The following TECPR2 variants were observed in gnomAD, a reference collection of about 807,000 sequenced individuals.
TECPR2 encodes tectonin beta-propeller repeat-containing protein 2.
A neutral mutation model predicts 138.1 loss-of-function variants in TECPR2; 65 were observed. The ratio of observed to expected loss-of-function variants is 0.47; its 90% CI spans 0.39 to 0.58. The LOEUF (loss-of-function observed/expected upper bound fraction) is 0.58. TECPR2 is among the 20% of genes least tolerant of loss of function. The pLI is 0.00. For synonymous variants in TECPR2, 746 were observed against 749.8 expected (o/e 0.99, Z 0.08); for missense variants, 1,553 against 1,824.5 (o/e 0.85, Z 2.71).
intron 17 of TECPR2, among the ~76,000 whole-genome samples, chr14:102,478,274 C>A (rs1313907580): frequency 1.3e-5 from 2 of 151,994 alleles, no homozygotes; most frequent in African/African-American, 4.8e-5. Context: ...GTCTTGGACT[C>A]CTGGCCTCAA....
chr14:102,433,810 A>AC (rs1168151489), intron 8 of TECPR2, among the ~76,000 whole-genome samples: 1 of 152,110 alleles, frequency 6.6e-6, no homozygotes, highest in East Asian at 1.9e-4. Flanking sequence ...ATGAGCGTGA[A>AC]CCACCGTGCA....
At chr14:102,390,162 A>T (rs1476655462) in intron 2 of TECPR2, among the ~76,000 whole-genome samples, 2 of 152,234 alleles carry the variant, frequency 1.3e-5, no homozygotes, top group Non-Finnish European at 2.9e-5. Context: ...CTCACAAAGA[A>T]CACTTTTTCC....
rs575631116 is a variant in TECPR2, at chr14:102,500,005, C to G, written c.*1748C>G. 49 of 152,850 alleles carry G rather than the reference C, an allele frequency of 3.2e-4. No homozygotes were observed. Among genetic ancestry groups the G allele is most frequent in the African/African-American group, 1.2e-3 (49 of 41,588 alleles). The allele number at this position is 152,850 out of a possible 1,614,324, so 9.5% of individuals were successfully genotyped here. ...ATCTCTCTGTGTCTGTTGTGCCTTGCCCGGCGCCTCACGGATGGCAAAGCT... is the reference window on the plus strand; with the variant it reads ...ATCTCTCTGTGTCTGTTGTGCCTTGGCCGGCGCCTCACGGATGGCAAAGCT... On this transcript the variant is annotated 3_prime_UTR_variant, in exon 20 of 20. Transcript: ENST00000359520.
intron 4 of TECPR2, among the ~76,000 whole-genome samples, chr14:102,410,012 G>A (rs1437160182): frequency 2.0e-5 from 3 of 151,484 alleles, no homozygotes; most frequent in Non-Finnish European, 4.4e-5. Context: ...CACCGTTTTA[G>A]CCAGGATGGT....
chr14:102,383,415 T>G (rs961109062), intron 2 of TECPR2, among the ~76,000 whole-genome samples: 8 of 144,900 alleles, frequency 5.5e-5, no homozygotes, highest in Admixed American at 1.4e-4. Flanking sequence ...GTTTTTTTTG[T>G]TTTTTTTTTT....
intron 2 of TECPR2, 129 bp downstream of exon 2, chr14:102,377,069 A>G (rs1382847544): frequency 2.1e-6 from 2 of 936,864 alleles, no homozygotes; most frequent in African/African-American, 1.7e-5. Flanking sequence ...CACCCAAACA[A>G]TACTTTAAAA....
intron 10 of TECPR2, among the ~76,000 whole-genome samples, chr14:102,439,212 A>G (rs1006319253): frequency 6.6e-6 from 1 of 152,044 alleles, no homozygotes; most frequent in Non-Finnish European, 1.5e-5. Flanking sequence ...CACCTACGCC[A>G]GTGGGGACAC....
rs772139465 is a variant in TECPR2 at position 102,452,437 on chromosome 14, C to G, written c.3450C>G (p.Ser1150Arg). The G allele has an allele frequency of 5.0e-6, 8 of 1,613,418 alleles. No individual in the cohort carries two copies. The highest frequency in any genetic ancestry group is 5.9e-6 in the Non-Finnish European group (7 of 1,179,556). ...WLCQSSKDLC[S>R]VSAQSAQSRP... ...GCCAGAGCAGCAAGGACCTGTGCAGCGTCAGCGCCCAGAGCGCACAGTCGC... is the reference window on the plus strand; with the variant it reads ...GCCAGAGCAGCAAGGACCTGTGCAGGGTCAGCGCCCAGAGCGCACAGTCGC... Residue 1150 changes from serine (S) to arginine (R), a missense_variant, in exon 16 of 20, where the codon AGC becomes AGG. By Grantham distance (110) the Ser-to-Arg change is moderately radical. Transcript: ENST00000359520.
At chr14:102,408,676 A>G in intron 4 of TECPR2, 57 bp downstream of exon 4, 1 of 1,515,486 alleles carries the variant, frequency 6.6e-7, no homozygotes, top group Non-Finnish European at 8.9e-7. Flanking sequence ...TGGAAAAACT[A>G]TATTTATAAC....
At chr14:102,448,397 C>T (rs1025313235) in intron 13 of TECPR2, among the ~76,000 whole-genome samples, 2 of 152,188 alleles carry the variant, frequency 1.3e-5, no homozygotes, top group African/African-American at 4.8e-5. Context: ...AAGAGAAGAG[C>T]TTCCTGCAGG....
chr14:102,490,077 C>T (rs1194323993), intron 17 of TECPR2, among the ~76,000 whole-genome samples: 1 of 152,080 alleles, frequency 6.6e-6, no homozygotes, highest in Admixed American at 6.6e-5. Flanking sequence ...GTGTTGAGAC[C>T]GCCAGTGAAT....
chr14:102,446,551 C>T (rs1161455290), intron 13 of TECPR2, among the ~76,000 whole-genome samples: 1 of 152,106 alleles, frequency 6.6e-6, no homozygotes, highest in African/African-American at 2.4e-5. Flanking sequence ...GCCAAGATCA[C>T]ACCACCACAC....
chr14:102,478,942 A>G (rs1351599560), intron 17 of TECPR2, among the ~76,000 whole-genome samples: 1 of 148,834 alleles, frequency 6.7e-6, no homozygotes. Flanking sequence ...GCTTGAGCCC[A>G]GGAGGCGGAG....
chr14:102,434,836 C>T lies in TECPR2; in HGVS notation c.2019C>T (p.Ser673=). 6.2e-7 allele frequency: 1 copy of T among 1,613,328 alleles called. No homozygotes were observed. Among genetic ancestry groups the T allele is most frequent in the Non-Finnish European group, 8.5e-7 (1 of 1,180,012 alleles). The change falls in exon 9 of 20, where the codon AGC becomes AGT. Residue 673 remains serine, a synonymous_variant. Coordinates refer to ENST00000359520, the MANE Select transcript of TECPR2 (RefSeq NM_014844.5). ...CTGGGACCAGAGCTGATGAAGGCAG[C>T]CCCGTGGAGCCCAGCCAAGAGCAGG... ...WLPGTRADEG[S]PVEPSQEQDI...
intron 10 of TECPR2, among the ~76,000 whole-genome samples, chr14:102,439,282 C>T (rs1003571738): frequency 2.0e-5 from 3 of 152,146 alleles, no homozygotes; most frequent in African/African-American, 4.8e-5. Flanking sequence ...CAGACGAAGC[C>T]GAAGCTGAGT....
intron 17 of TECPR2, among the ~76,000 whole-genome samples, chr14:102,487,901 GC>G (rs956296369): frequency 2.7e-4 from 40 of 148,826 alleles, no homozygotes; most frequent in African/African-American, 8.2e-4. Flanking sequence ...GAGTGCAATG[GC>G]GCGATCTCGG....
At position 102,477,369 on chromosome 14, in the gene TECPR2, C is replaced by CA. The variant is rs919684497; in HGVS notation, c.3789+12094dup. Among the ~76,000 whole-genome samples, 343 of 96,902 alleles carry CA rather than the reference C, an allele frequency of 3.5e-3. 1 individual carries two copies. The highest frequency in any genetic ancestry group is 6.2e-3 in the African/African-American group (160 of 25,994). The allele number at this position is 96,902 out of a possible 152,430, so 63.6% of individuals were successfully genotyped here. A position where few individuals can be genotyped will look rare whatever the true frequency, so the allele number is the denominator to read the frequency against. On this transcript the variant is annotated intron_variant, in intron 17 of 19. Transcript: ENST00000359520. ...TGGGCAACAGAGCGAGACTCCGTCT[C>CA]AAAAAAAAAAAAAAGGAAAGAAAAT... is the stretch of plus-strand genomic sequence containing the variant.
chr14:102,409,119 C>T (rs1888745922), intron 4 of TECPR2, among the ~76,000 whole-genome samples: 1 of 152,200 alleles, frequency 6.6e-6, no homozygotes, highest in South Asian at 2.1e-4. Context: ...CCTCACAGAG[C>T]TTGCTTTCAA....
chr14:102,427,443 T>G (rs2139719876), intron 6 of TECPR2, among the ~76,000 whole-genome samples: 1 of 152,286 alleles, frequency 6.6e-6, no homozygotes, highest in South Asian at 2.1e-4. Flanking sequence ...ACTGGCAGCT[T>G]TCGGAAACAA....
Sources: allele counts gnomAD v4.1 joint callset (sites outside exome capture counted in the v4.1 genomes callset), GRCh38; gene constraint gnomAD v4.1.1; transcripts MANE v1.5; gene names NCBI Gene and HGNC (gene_info 2026-07-23, HGNC 2026-07-21).